SNX24: variants seen among roughly 807,000 people sequenced by gnomAD.
SNX24 encodes the protein sorting nexin-24.
SNX24 carries 22 observed loss-of-function variants against 28.7 expected under a neutral mutation model. The observed-to-expected ratio is 0.77, with a 90% confidence interval of 0.55 to 1.10. The LOEUF is 1.10. Among genes scored for constraint, SNX24 ranks in the 50% least tolerant of loss-of-function variants. The pLI is 0.00. For synonymous variants in SNX24, 69 were observed against 71.5 expected, an observed-to-expected ratio of 0.96 and a Z score of 0.18; for missense variants, 221 against 201.1, an observed-to-expected ratio of 1.10 and a Z score of -0.60.
chr5:122,887,854 T>C (rs1167600741), intron 1 of SNX24, among the ~76,000 whole-genome samples: 1 of 152,148 alleles, frequency 6.6e-6, no homozygotes, highest in African/African-American at 2.4e-5. Flanking sequence ...AAGCACCTGT[T>C]ACCATGCCCA....
intron 1 of SNX24, among the ~76,000 whole-genome samples, chr5:122,872,358 T>C (rs1281056441): frequency 2.0e-5 from 3 of 152,132 alleles, no homozygotes; most frequent in Non-Finnish European, 4.4e-5. Flanking sequence ...CTTTCTGTGC[T>C]GTAGGCTCCT....
intron 3 of SNX24, among the ~76,000 whole-genome samples, chr5:122,952,346 C>T (rs998757306): frequency 1.3e-5 from 2 of 152,122 alleles, no homozygotes; most frequent in African/African-American, 2.4e-5. Context: ...CTTTTAAAAA[C>T]AACAATACAA....
chr5:122,933,716 G>A (rs1724461774), intron 1 of SNX24, among the ~76,000 whole-genome samples: 2 of 152,118 alleles, frequency 1.3e-5, no homozygotes, highest in Non-Finnish European at 1.5e-5. Context: ...ACCTTAAAGT[G>A]TGTGGGGTTT....
At chr5:122,993,001 A>G (rs1453029838) in intron 3 of SNX24, among the ~76,000 whole-genome samples, 1 of 147,864 alleles carries the variant, frequency 6.8e-6, no homozygotes, top group East Asian at 2.0e-4. Context: ...GCCAAATTAT[A>G]TTATTTCTTT....
chr5:123,014,352 T>C (rs968119610), intron 5 of SNX24, among the ~76,000 whole-genome samples: 4 of 138,798 alleles, frequency 2.9e-5, no homozygotes, highest in African/African-American at 1.1e-4. Flanking sequence ...TTTTTTTTTT[T>C]TTTTTTTTTT....
At chr5:122,965,394 C>G in intron 3 of SNX24, 1 of 453,366 alleles carries the variant, frequency 2.2e-6, no homozygotes, top group Non-Finnish European at 4.4e-6. Flanking sequence ...TCAGGGACTT[C>G]TGAGAACAAA....
chr5:122,963,080 A>G (rs1164095285), intron 3 of SNX24, among the ~76,000 whole-genome samples: 1 of 152,152 alleles, frequency 6.6e-6, no homozygotes, highest in Non-Finnish European at 1.5e-5. Flanking sequence ...CTAAAAATAC[A>G]TTAATTAGCC....
At chr5:123,004,858 C>T (rs1471420057) in intron 6 of SNX24, among the ~76,000 whole-genome samples, 1 of 149,540 alleles carries the variant, frequency 6.7e-6, no homozygotes, top group African/African-American at 2.4e-5. Flanking sequence ...TCTCCCTCTC[C>T]ACGAGCCCCT....
intron 3 of SNX24, among the ~76,000 whole-genome samples, chr5:122,947,778 ATTC>A (rs1581784845): frequency 6.6e-6 from 1 of 152,254 alleles, no homozygotes; most frequent in East Asian, 1.9e-4. Context: ...TAAACAATGC[ATTC>A]TTATTTGTAA....
intron 3 of SNX24, among the ~76,000 whole-genome samples, chr5:122,991,857 T>TTGAGA (rs1166684702): frequency 2.6e-5 from 4 of 152,198 alleles, no homozygotes; most frequent in African/African-American, 7.2e-5. Flanking sequence ...TAAGAATTAG[T>TTGAGA]TGAGATGTTA....
At chr5:122,993,828 A>G (rs150383814) in intron 3 of SNX24, among the ~76,000 whole-genome samples, 2 of 152,168 alleles carry the variant, frequency 1.3e-5, no homozygotes, top group African/African-American at 2.4e-5. Flanking sequence ...TGAAGTAGAT[A>G]TGGTATGAAG....
chr5:122,939,790 G>T (rs987034454), intron 2 of SNX24, among the ~76,000 whole-genome samples: 2 of 152,116 alleles, frequency 1.3e-5, no homozygotes, highest in African/African-American at 4.8e-5. Context: ...ATTAATGCCT[G>T]TTGAAGTTTG....
chr5:122,924,110 A>C (rs931827549), intron 1 of SNX24, among the ~76,000 whole-genome samples: 7 of 151,980 alleles, frequency 4.6e-5, no homozygotes, highest in African/African-American at 7.3e-5. Context: ...ATGTTCAAAG[A>C]CCCCCAGTGG....
intron 1 of SNX24, among the ~76,000 whole-genome samples, chr5:122,917,649 G>A (rs1376195297): frequency 1.3e-5 from 2 of 152,180 alleles, no homozygotes; most frequent in Admixed American, 6.5e-5. Flanking sequence ...AGGCCTTTGT[G>A]TAAGGACCCT....
chr5:122,930,742 A>G (rs1206769477), intron 1 of SNX24, among the ~76,000 whole-genome samples: 1 of 152,050 alleles, frequency 6.6e-6, no homozygotes, highest in East Asian at 1.9e-4. Flanking sequence ...GATCTTCCTG[A>G]CGTTCTTTTT....
chr5:122,918,138 G>A (rs537447978), intron 1 of SNX24, among the ~76,000 whole-genome samples: 2 of 152,146 alleles, frequency 1.3e-5, no homozygotes, highest in Non-Finnish European at 1.5e-5. Flanking sequence ...GCTGGGCCTG[G>A]TGGCTCCCAC....
At chr5:122,909,035 A>G (rs765328834) in intron 1 of SNX24, among the ~76,000 whole-genome samples, 41 of 152,182 alleles carry the variant, frequency 2.7e-4, no homozygotes, top group Non-Finnish European at 5.4e-4. Flanking sequence ...TTTTTAAACC[A>G]TATGACTGTA....
At chr5:122,899,193 G>C (rs1159782433) in intron 1 of SNX24, among the ~76,000 whole-genome samples, 8 of 152,214 alleles carry the variant, frequency 5.3e-5, no homozygotes, top group African/African-American at 1.2e-4. Context: ...ACCTGGCTGC[G>C]AGTCGTGGTG....
intron 1 of SNX24, among the ~76,000 whole-genome samples, chr5:122,916,479 G>C (rs534699082): frequency 7.1e-6 from 1 of 141,814 alleles, no homozygotes; most frequent in South Asian, 2.4e-4. Flanking sequence ...GACTATTTTG[G>C]ATTTCGTGTT....
Sources: gnomAD v4.1 joint callset for allele counts (sites outside exome capture counted in the v4.1 genomes callset) on GRCh38, gnomAD v4.1.1 for gene constraint, MANE v1.5 for transcripts, NCBI Gene and HGNC (gene_info 2026-07-23, HGNC 2026-07-21) for gene names.